Variants in ITPR2 observed in about 807,000 individuals in gnomAD.
ITPR2 encodes the protein inositol 1,4,5-trisphosphate receptor type 2.
A neutral mutation model predicts 317.1 loss-of-function variants in ITPR2; 207 were observed. The ratio of observed to expected loss-of-function variants is 0.65; its 90% CI spans 0.58 to 0.73. ITPR2 has a LOEUF of 0.73. Among genes scored for constraint, ITPR2 ranks in the 30% least tolerant of loss-of-function variants. ITPR2 has a pLI of 0.00. For synonymous variants in ITPR2, 1,156 were observed against 1,149.1 expected (o/e 1.01, Z -0.12); for missense variants, 2,613 against 3,284.0 (o/e 0.80, Z 4.99).
intron 21 of ITPR2, among the ~76,000 whole-genome samples, chr12:26,635,045 G>C (rs1413816134): frequency 1.3e-5 from 2 of 152,136 alleles, no homozygotes; most frequent in African/African-American, 4.8e-5. Flanking sequence ...TGCATACTGA[G>C]AGCGGTAACT....
intron 13 of ITPR2, among the ~76,000 whole-genome samples, chr12:26,672,642 T>C (rs1947807689): frequency 1.3e-5 from 2 of 151,042 alleles, no homozygotes; most frequent in Non-Finnish European, 2.9e-5. Flanking sequence ...TTAAAAGAAC[T>C]AGAAAAGCAA....
chr12:26,696,319 T>C (rs890864802), intron 9 of ITPR2, among the ~76,000 whole-genome samples: 8 of 152,308 alleles, frequency 5.3e-5, no homozygotes, highest in African/African-American at 1.7e-4. Context: ...CTGAAATAGT[T>C]GATCACTCGT....
intron 55 of ITPR2, among the ~76,000 whole-genome samples, chr12:26,386,282 T>C (rs1223125364): frequency 6.6e-6 from 1 of 152,140 alleles, no homozygotes; most frequent in African/African-American, 2.4e-5. Flanking sequence ...CAAACAATGT[T>C]AGGTTCTGTC....
intron 37 of ITPR2, among the ~76,000 whole-genome samples, chr12:26,526,466 T>C (rs1428698098): frequency 6.6e-6 from 1 of 152,106 alleles, no homozygotes; most frequent in Non-Finnish European, 1.5e-5. Flanking sequence ...TATAATAAAA[T>C]AAGGGAAAGA....
intron 32 of ITPR2, among the ~76,000 whole-genome samples, chr12:26,589,558 G>A (rs1449131184): frequency 6.6e-6 from 1 of 151,412 alleles, no homozygotes. Context: ...GGAGGCCGAG[G>A]CGGGCAGATC....
In ITPR2 at chr12:26,543,387, CA is replaced by C. The variant is rs202183185; in HGVS notation, c.5073+6859del. On this transcript the variant is annotated intron_variant, in intron 37 of 56. Transcript: ENST00000381340. ...TGTTTGTGTGTGTGTGTGACAGAGA[CA>C]GGGGAAGAGAGAGAGAGAGAGGAGA... Among the ~76,000 whole-genome samples, 179 of 151,682 alleles carry C rather than the reference CA, an allele frequency of 1.2e-3. 1 individual carries two copies. The highest frequency in any genetic ancestry group is 3.4e-3 in the African/African-American group (141 of 41,298).
chr12:26,602,201 T>A (rs1946016202), intron 28 of ITPR2, among the ~76,000 whole-genome samples, 169 bp downstream of exon 28: 1 of 152,194 alleles, frequency 6.6e-6, no homozygotes, highest in South Asian at 2.1e-4. Context: ...CATGGTAGTG[T>A]ACCCTTGTTT....
intron 43 of ITPR2, among the ~76,000 whole-genome samples, chr12:26,480,818 C>T (rs1475402513): frequency 5.3e-5 from 8 of 151,858 alleles, no homozygotes; most frequent in Admixed American, 6.6e-5. Flanking sequence ...CCAGCTTGGG[C>T]GGCAGAGCTA....
At chr12:26,507,863 C>CTGTG (rs1555144092) in intron 37 of ITPR2, among the ~76,000 whole-genome samples, 87 of 132,284 alleles carry the variant, frequency 6.6e-4, no homozygotes, top group East Asian at 1.5e-3. Context: ...CTCTCTGTCT[C>CTGTG]TGTGTGTGTG....
intron 52 of ITPR2, among the ~76,000 whole-genome samples, chr12:26,407,095 C>T (rs1940379225): frequency 6.6e-6 from 1 of 152,150 alleles, no homozygotes; most frequent in Non-Finnish European, 1.5e-5. Flanking sequence ...AAATCATCTC[C>T]ACCTCTTCCC....
chr12:26,629,464 G>T (rs954143762), intron 22 of ITPR2, among the ~76,000 whole-genome samples: 6 of 151,942 alleles, frequency 3.9e-5, no homozygotes. Context: ...GTGCGTGCCT[G>T]TAATCCCAGC....
At position 26,472,168 on chromosome 12, in the gene ITPR2, T is replaced by A. The variant is rs147341337; in HGVS notation, c.6342+3128A>T. On this transcript the variant is annotated intron_variant, in intron 45 of 56. Transcript: ENST00000381340. ...ATGGTGGCAAGGAAATGACTCCTTG[T>A]GTCACTATAATAGAATAAGCGGACA... 2.1e-3 allele frequency among the ~76,000 whole-genome samples: 314 copies of A among 152,338 alleles called. 2 individuals carry two copies. Among genetic ancestry groups the A allele is most frequent in the African/African-American group, 7.1e-3 (297 of 41,568 alleles).
chr12:26,793,801 T>C (rs1442046550), intron 1 of ITPR2, among the ~76,000 whole-genome samples: 1 of 152,160 alleles, frequency 6.6e-6, no homozygotes, highest in African/African-American at 2.4e-5. Context: ...GAAAGAGAGA[T>C]TTGGAAATAT....
intron 10 of ITPR2, among the ~76,000 whole-genome samples, chr12:26,694,379 T>C (rs1948296639): frequency 6.6e-6 from 1 of 152,182 alleles, no homozygotes; most frequent in African/African-American, 2.4e-5. Context: ...AGATACCAAT[T>C]ATAGAATTCC....
At chr12:26,510,070 G>GT (rs994859504) in intron 37 of ITPR2, among the ~76,000 whole-genome samples, 14 of 151,162 alleles carry the variant, frequency 9.3e-5, no homozygotes, top group African/African-American at 2.9e-4. Flanking sequence ...AAGTGCCTTT[G>GT]TAATTCATAT....
intron 1 of ITPR2, among the ~76,000 whole-genome samples, chr12:26,790,661 TAA>T (rs1486854201): frequency 3.3e-5 from 5 of 150,226 alleles, no homozygotes; most frequent in Middle Eastern, 3.5e-3. Flanking sequence ...AGCAAAACAT[TAA>T]GAGTGGTCAG....
chr12:26,386,455 T>TG, intron 55 of ITPR2, among the ~76,000 whole-genome samples: 1 of 152,348 alleles, frequency 6.6e-6, no homozygotes, highest in African/African-American at 2.4e-5. Context: ...TATGAACTTA[T>TG]AATTATTAAT....
At chr12:26,583,180 A>C (rs1294520867) in intron 32 of ITPR2, among the ~76,000 whole-genome samples, 1 of 152,158 alleles carries the variant, frequency 6.6e-6, no homozygotes, top group East Asian at 1.9e-4. Context: ...CCAGTAAATT[A>C]TAATTGTTTT....
chr12:26,656,686 G>C (rs1284020693), intron 18 of ITPR2, 138 bp from the exon 19 acceptor site: 1 of 835,224 alleles, frequency 1.2e-6, no homozygotes, highest in Non-Finnish European at 1.9e-6. Flanking sequence ...CTTGACTGTA[G>C]TATGTTAACC....
Sources: allele counts gnomAD v4.1 joint callset (sites outside exome capture counted in the v4.1 genomes callset), GRCh38; gene constraint gnomAD v4.1.1; transcripts MANE v1.5; gene names NCBI Gene and HGNC (gene_info 2026-07-23, HGNC 2026-07-21).